The following PHF21B variants were observed in gnomAD, a reference collection of about 807,000 sequenced individuals.
The protein encoded by PHF21B is PHD finger protein 4.
In PHF21B, 22 loss-of-function variants were observed where a neutral mutation model predicts 62.2. That is an observed-to-expected ratio of 0.35 (90% CI 0.25 to 0.51). The LOEUF (loss-of-function observed/expected upper bound fraction) is 0.51. Among genes scored for constraint, PHF21B ranks in the 20% least tolerant of loss-of-function variants. The pLI is 0.97. For synonymous variants in PHF21B, 341 were observed against 314.7 expected, an observed-to-expected ratio of 1.08 and a Z score of -0.88; for missense variants, 701 against 707.9, an observed-to-expected ratio of 0.99 and a Z score of 0.11.
intron 2 of PHF21B, chr22:45,002,717 T>C (rs560225433): frequency 6.6e-6 from 1 of 152,530 alleles, no homozygotes; most frequent in African/African-American, 2.4e-5. Context: ...TAGAAGCCCT[T>C]GGGCACGGCA....
intron 1 of PHF21B, chr22:45,008,922 G>C: frequency 1.8e-6 from 2 of 1,134,022 alleles, no homozygotes; most frequent in Non-Finnish European, 2.2e-6. Context: ...GTGTGAGTGT[G>C]TGCCGGGGGA....
intron 2 of PHF21B, among the ~76,000 whole-genome samples, chr22:44,995,170 C>A (rs891514204): frequency 6.6e-6 from 1 of 152,168 alleles, no homozygotes; most frequent in African/African-American, 2.4e-5. Context: ...ACAGCAAGTC[C>A]AGCTGCACCA....
At chr22:44,902,205 AATT>A (rs2071172364) in intron 5 of PHF21B, 1 of 198,580 alleles carries the variant, frequency 5.0e-6, no homozygotes, top group South Asian at 9.1e-5. Flanking sequence ...ACTGATGCTT[AATT>A]CAAGCAGCAG....
At chr22:44,915,955 A>G (rs988546721) in intron 4 of PHF21B, among the ~76,000 whole-genome samples, 1 of 152,228 alleles carries the variant, frequency 6.6e-6, no homozygotes, top group East Asian at 1.9e-4. Flanking sequence ...ACATGTCATT[A>G]ATTGGTTAAT....
intron 2 of PHF21B, among the ~76,000 whole-genome samples, chr22:45,004,537 A>C (rs1209443385): frequency 6.6e-6 from 1 of 152,210 alleles, no homozygotes; most frequent in East Asian, 1.9e-4. Context: ...TTTTTCTGCA[A>C]TGTATAATGA....
At chr22:44,958,093 G>A (rs557291038) in intron 2 of PHF21B, among the ~76,000 whole-genome samples, 2 of 152,200 alleles carry the variant, frequency 1.3e-5, no homozygotes, top group Admixed American at 6.5e-5. Context: ...TAATAGAGAC[G>A]GGGTTTCTCC....
chr22:44,912,581 G>A lies in PHF21B; in HGVS notation c.831+1241C>T, dbSNP rs144278161. On this transcript the variant is annotated intron_variant, in intron 5 of 12. Coordinates refer to ENST00000313237, the MANE Select transcript of PHF21B (RefSeq NM_138415.5). ...AGATGTGACTTGCTCCTCATCTTCC[G>A]CCATGATTGTGAGGTTTCCCCAGCC... 3.4e-3 allele frequency among the ~76,000 whole-genome samples: 511 copies of A among 152,200 alleles called. 8 individuals carry two copies. The highest frequency in any genetic ancestry group is 0.017 in the Admixed American group (253 of 15,284).
rs574491310 is a variant in PHF21B at position 44,981,998 on chromosome 22, G to A, written c.120+26547C>T. Among the ~76,000 whole-genome samples the A allele has an allele frequency of 1.3e-4, 20 of 152,360 alleles. No homozygotes were observed. In the South Asian group the frequency reaches 4.1e-3, roughly 32 times the overall value. ...CAGGACTTCCCAGCCCCAGCCCTCG[G>A]CTGCCTCCCGTTGCCTTGGCAAATG... On this transcript the variant is annotated intron_variant, in intron 2 of 12. Transcript: ENST00000313237.
intron 2 of PHF21B, among the ~76,000 whole-genome samples, chr22:45,002,712 G>A (rs1178068242): frequency 6.6e-6 from 1 of 152,214 alleles, no homozygotes; most frequent in Admixed American, 6.5e-5. Context: ...TGCCCTAGAA[G>A]CCCTTGGGCA....
chr22:44,928,215 C>T (rs984336408), intron 2 of PHF21B, among the ~76,000 whole-genome samples: 5 of 152,162 alleles, frequency 3.3e-5, no homozygotes, highest in African/African-American at 7.2e-5. Flanking sequence ...CCCGCTTCAG[C>T]ACGCACCACC....
chr22:44,936,934 G>A (rs951356224), intron 2 of PHF21B, among the ~76,000 whole-genome samples: 3 of 148,238 alleles, frequency 2.0e-5, no homozygotes, highest in Non-Finnish European at 4.4e-5. Context: ...GTGCAATGGC[G>A]CAATTTCGGC....
chr22:44,998,887 G>A (rs1482681633), intron 2 of PHF21B, among the ~76,000 whole-genome samples: 8 of 152,160 alleles, frequency 5.3e-5, no homozygotes, highest in Non-Finnish European at 8.8e-5. Flanking sequence ...CACTGCCAGA[G>A]GGGCTCCAAC....
rs1601563979 is a variant in PHF21B, at chr22:44,887,995, C to T, written c.1165G>A (p.Gly389Ser). The change falls in exon 10 of 13, where the codon GGC becomes AGC. Residue 389 changes from glycine to serine, a missense_variant. Coordinates refer to ENST00000313237, the MANE Select transcript of PHF21B (RefSeq NM_138415.5). Reference protein sequence around the residue: ...LEPPLKTAPKGVWVCPRCQQK... With the variant: ...LEPPLKTAPKSVWVCPRCQQK... Reference sequence around the variant, plus strand: ...TGGCACCTGGGGCACACCCACACGCCCTTGGGCGCCGTCTTGAGGGGCGGC... The same window carrying T: ...TGGCACCTGGGGCACACCCACACGCTCTTGGGCGCCGTCTTGAGGGGCGGC... The T allele has an allele frequency of 1.9e-6, 3 of 1,569,828 alleles. No homozygotes were observed. Among genetic ancestry groups the T allele is most frequent in the South Asian group, 1.2e-5 (1 of 84,294 alleles).
At chr22:44,956,057 C>T (rs1000733779) in intron 2 of PHF21B, among the ~76,000 whole-genome samples, 3 of 152,360 alleles carry the variant, frequency 2.0e-5, no homozygotes, top group Non-Finnish European at 4.4e-5. Flanking sequence ...CACCCCACAA[C>T]GTCCAGCCAT....
rs945633407 is a variant in PHF21B, at chr22:44,882,150, G to A, written c.*936C>T. 5 of 152,668 alleles carry A rather than the reference G, an allele frequency of 3.3e-5. No homozygotes were observed. The highest frequency in any genetic ancestry group is 5.9e-5 in the Non-Finnish European group (4 of 68,058). The allele number at this position is 152,668 out of a possible 1,614,324, so 9.5% of individuals were successfully genotyped here. ...CATAGTGTCTGCACTGGCAAGAAGGGAGGAGTGGAATACTTATCGGCTCTT... is the reference window on the plus strand; with the variant it reads ...CATAGTGTCTGCACTGGCAAGAAGGAAGGAGTGGAATACTTATCGGCTCTT... On this transcript the variant is annotated 3_prime_UTR_variant, in exon 13 of 13. Coordinates refer to ENST00000313237, the MANE Select transcript of PHF21B (RefSeq NM_138415.5).
At position 44,916,240 on chromosome 22, in the gene PHF21B, G is replaced by A. The variant is rs113573009; in HGVS notation, c.564+40C>T. 58 of 1,575,596 alleles carry A rather than the reference G, an allele frequency of 3.7e-5. No homozygotes were observed. The African/African-American group carries it at 4.5e-4, about 12-fold the overall frequency. On this transcript the variant is annotated intron_variant, in intron 4 of 12. Coordinates refer to ENST00000313237, the MANE Select transcript of PHF21B (RefSeq NM_138415.5). Reference sequence around the variant, plus strand: ...TGATTGCTCTCGGCCTCCTGTATGCGGCCGCACACCCTTTCCGGAGCCTGC... The same window carrying A: ...TGATTGCTCTCGGCCTCCTGTATGCAGCCGCACACCCTTTCCGGAGCCTGC...
chr22:44,895,484 G>A (rs1435043332), intron 6 of PHF21B, among the ~76,000 whole-genome samples: 5 of 152,178 alleles, frequency 3.3e-5, no homozygotes, highest in African/African-American at 9.7e-5. Flanking sequence ...CATGAAGTCC[G>A]CAGGCTAGTA....
intron 7 of PHF21B, among the ~76,000 whole-genome samples, chr22:44,892,765 CA>C (rs1394821546): frequency 7.2e-5 from 11 of 152,188 alleles, no homozygotes; most frequent in African/African-American, 2.7e-4. Flanking sequence ...GGGGAGATGA[CA>C]TTAGGATTTT....
intron 2 of PHF21B, among the ~76,000 whole-genome samples, chr22:44,946,618 G>T (rs2072078673): frequency 6.6e-6 from 1 of 152,032 alleles, no homozygotes; most frequent in Non-Finnish European, 1.5e-5. Flanking sequence ...TGGTTGTATG[G>T]ATGGATGGGT....
Sources: gnomAD v4.1 joint callset for allele counts (sites outside exome capture counted in the v4.1 genomes callset) on GRCh38, gnomAD v4.1.1 for gene constraint, MANE v1.5 for transcripts, NCBI Gene and HGNC (gene_info 2026-07-23, HGNC 2026-07-21) for gene names.